Variants in STX11 observed in about 807,000 individuals in gnomAD.
The protein encoded by STX11 is syntaxin-11.
A neutral mutation model predicts 19.9 loss-of-function variants in STX11; 21 were observed. The ratio of observed to expected loss-of-function variants is 1.06; its 90% CI spans 0.75 to 1.52. STX11 has a LOEUF of 1.52. Ranked by LOEUF, STX11 falls within the 40% of genes most tolerant of loss-of-function variation. The pLI, the probability that STX11 is intolerant of heterozygous loss-of-function variation, is 0.00. For missense variants in STX11, 438 were observed against 405.9 expected, an observed-to-expected ratio of 1.08 and a Z score of -0.68; for synonymous variants, 193 against 174.4, an observed-to-expected ratio of 1.11 and a Z score of -0.84.
At position 144,177,386 on chromosome 6, in the gene STX11, A is replaced by G. The variant is rs1801802568; in HGVS notation, c.-5-9237A>G. Among the ~76,000 whole-genome samples the G allele has an allele frequency of 6.6e-6, 1 of 152,252 alleles. No individual in the cohort carries two copies. The highest frequency in any genetic ancestry group is 1.5e-5 in the Non-Finnish European group (1 of 68,050). ...AATACTAATAGAGATACAAGTGGAA[A>G]AATTTGCACAGATGACTTGAGCCTT... is the stretch of plus-strand genomic sequence containing the variant. On this transcript the variant is annotated intron_variant, in intron 1 of 1. Transcript: ENST00000367568. This position sits in a 1 kb window ranked among gnomAD's most constrained non-coding sequence, Gnocchi z 4.4.
In STX11 at chr6:144,155,975, T is replaced by G. The variant is rs1354261514; in HGVS notation, c.-6+5272T>G. Among the ~76,000 whole-genome samples, 1 of 131,782 alleles carries G rather than the reference T, an allele frequency of 7.6e-6. No homozygotes were observed. Among genetic ancestry groups the G allele is most frequent in the Non-Finnish European group, 1.5e-5 (1 of 66,608 alleles). The allele number at this position is 131,782 out of a possible 152,430, so 86.5% of individuals were successfully genotyped here. Reference sequence around the variant, plus strand: ...CTTTCTTTCTTTCTTTCTTTCTTTCTTTCTTTCTTTCTTTCTTTCTTTCTT... The same window carrying G: ...CTTTCTTTCTTTCTTTCTTTCTTTCGTTCTTTCTTTCTTTCTTTCTTTCTT... On this transcript the variant is annotated intron_variant, in intron 1 of 1. Transcript: ENST00000367568. The surrounding 1 kb of genome is among the most constrained non-coding windows in gnomAD (Gnocchi z 4.5).
At position 144,189,375 on chromosome 6, in the gene STX11, G is replaced by T. The variant is rs1352625258; in HGVS notation, c.*1884G>T. Reference sequence around the variant, plus strand: ...TGCCACATCTGGATGGAACTGAGTGGAGGGGGAAAAGAATGAAAAACTCAA... The same window carrying T: ...TGCCACATCTGGATGGAACTGAGTGTAGGGGGAAAAGAATGAAAAACTCAA... On this transcript the variant is annotated 3_prime_UTR_variant, in exon 2 of 2. Coordinates refer to ENST00000367568, the MANE Select transcript of STX11 (RefSeq NM_003764.4). Among the ~76,000 whole-genome samples, 1 of 152,198 alleles carries T rather than the reference G, an allele frequency of 6.6e-6. No individual in the cohort carries two copies. Among genetic ancestry groups the T allele is most frequent in the Admixed American group, 6.5e-5 (1 of 15,282 alleles).
At chr6:144,178,606 G>A (rs1461329962) in intron 1 of STX11, among the ~76,000 whole-genome samples, 1 of 152,214 alleles carries the variant, frequency 6.6e-6, no homozygotes, top group African/African-American at 2.4e-5. Flanking sequence ...TAAAGTGATT[G>A]AAAAGTAGAG....
At chr6:144,179,910 G>A (rs777563080) in intron 1 of STX11, among the ~76,000 whole-genome samples, 2 of 152,202 alleles carry the variant, frequency 1.3e-5, no homozygotes, top group Non-Finnish European at 2.9e-5. Flanking sequence ...GGTACTGTGC[G>A]TAAGTCCTGT....
chr6:144,185,596 C>G (rs1364096301), intron 1 of STX11, among the ~76,000 whole-genome samples: 1 of 152,162 alleles, frequency 6.6e-6, no homozygotes, highest in Non-Finnish European at 1.5e-5. Context: ...GAGCTGCCAA[C>G]TTGTTTCAAA....
rs1227032227 is a variant in STX11, at chr6:144,162,152, C to T, written c.-6+11449C>T. On this transcript the variant is annotated intron_variant, in intron 1 of 1. Transcript: ENST00000367568. This position sits in a 1 kb window ranked among gnomAD's most constrained non-coding sequence, Gnocchi z 4.6. ...AGGGTGGAACAGAGGATGGAGGGCC[C>T]TCCCACTTCTTTAAAAAGCTTCTGA... Among the ~76,000 whole-genome samples, 1 of 152,162 alleles carries T rather than the reference C, an allele frequency of 6.6e-6. No homozygotes were observed. The highest frequency in any genetic ancestry group is 1.9e-4 in the East Asian group (1 of 5,194).
chr6:144,141,398 C>T, the STX11 span, among the ~76,000 whole-genome samples: 1 of 152,146 alleles, frequency 6.6e-6, no homozygotes. Context: ...GAATTATAGG[C>T]AGGACCACAA....
In STX11 at chr6:144,175,948, C is replaced by T. The variant is rs925446002; in HGVS notation, c.-5-10675C>T. Among the ~76,000 whole-genome samples, 5 of 152,180 alleles carry T rather than the reference C, an allele frequency of 3.3e-5. No homozygotes were observed. The highest frequency in any genetic ancestry group is 7.3e-5 in the Non-Finnish European group (5 of 68,044). On this transcript the variant is annotated intron_variant, in intron 1 of 1. Coordinates refer to ENST00000367568, the MANE Select transcript of STX11 (RefSeq NM_003764.4). This position sits in a 1 kb window ranked among gnomAD's most constrained non-coding sequence, Gnocchi z 5.1. ...TTGAAGCCAGCATTAGCTGGATTTA[C>T]CCTCCCTGGCCACAGCTGATTTCAC...
rs1272340680 is a variant in STX11 at position 144,170,099 on chromosome 6, G to T, written c.-5-16524G>T. Among the ~76,000 whole-genome samples, 2 of 151,912 alleles carry T rather than the reference G, an allele frequency of 1.3e-5. No individual in the cohort carries two copies. Among genetic ancestry groups the T allele is most frequent in the African/African-American group, 4.8e-5 (2 of 41,258 alleles). On this transcript the variant is annotated intron_variant, in intron 1 of 1. Coordinates refer to ENST00000367568, the MANE Select transcript of STX11 (RefSeq NM_003764.4). The surrounding 1 kb of genome is among the most constrained non-coding windows in gnomAD (Gnocchi z 4.7). Reference sequence around the variant, plus strand: ...TTCCAACACCATATTTTTCTGTCTGGTTTCTCCAATAGCTTGATTTTCTTT... The same window carrying T: ...TTCCAACACCATATTTTTCTGTCTGTTTTCTCCAATAGCTTGATTTTCTTT...
At chr6:144,181,195 C>T (rs1222376842) in intron 1 of STX11, among the ~76,000 whole-genome samples, 1 of 152,226 alleles carries the variant, frequency 6.6e-6, no homozygotes, top group Middle Eastern at 3.4e-3. Flanking sequence ...GGAGAGAGGC[C>T]AGTAGCTACC....
rs1316337873 is a variant in STX11, at chr6:144,172,224, C to G, written c.-5-14399C>G. On this transcript the variant is annotated intron_variant, in intron 1 of 1. Coordinates refer to ENST00000367568, the MANE Select transcript of STX11 (RefSeq NM_003764.4). The surrounding 1 kb of genome is among the most constrained non-coding windows in gnomAD (Gnocchi z 4.2). Reference sequence around the variant, plus strand: ...GGTGCAAGGATTAAATGAGATAATCCATGTAAACCTTCCACAACAGTCTCT... The same window carrying G: ...GGTGCAAGGATTAAATGAGATAATCGATGTAAACCTTCCACAACAGTCTCT... Among the ~76,000 whole-genome samples, 2 of 152,086 alleles carry G rather than the reference C, an allele frequency of 1.3e-5. No homozygotes were observed. Among genetic ancestry groups the G allele is most frequent in the African/African-American group, 4.8e-5 (2 of 41,396 alleles).
In STX11 at chr6:144,162,702, C is replaced by G. The variant is rs1801374944; in HGVS notation, c.-6+11999C>G. Among the ~76,000 whole-genome samples the G allele has an allele frequency of 6.6e-6, 1 of 152,148 alleles. No homozygotes were observed. Among genetic ancestry groups the G allele is most frequent in the Non-Finnish European group, 1.5e-5 (1 of 68,020 alleles). ...GGATGGGAAAGGTTGAGGGACATCTCTGGTTGGAGGGCATCTCCAGAAGAA... is the reference window on the plus strand; with the variant it reads ...GGATGGGAAAGGTTGAGGGACATCTGTGGTTGGAGGGCATCTCCAGAAGAA... On this transcript the variant is annotated intron_variant, in intron 1 of 1. Transcript: ENST00000367568. The surrounding 1 kb of genome is among the most constrained non-coding windows in gnomAD (Gnocchi z 4.6).
In STX11 at chr6:144,155,575, A is replaced by T. The variant is rs568118570; in HGVS notation, c.-6+4872A>T. The stretch of plus-strand genomic sequence containing the variant: ...TGCCTATAATTCATTCAGTGCTCAG[A>T]TCACAAGAAAGGGAAGGGTTTTGGC... On this transcript the variant is annotated intron_variant, in intron 1 of 1. Transcript: ENST00000367568. The surrounding 1 kb of genome is among the most constrained non-coding windows in gnomAD (Gnocchi z 4.5). Among the ~76,000 whole-genome samples the T allele has an allele frequency of 2.6e-5, 4 of 152,290 alleles. No homozygotes were observed. The South Asian group carries it at 8.3e-4, about 32-fold the overall frequency.
chr6:144,147,417 C>T (rs1222912701), upstream of STX11, among the ~76,000 whole-genome samples: 1 of 152,092 alleles, frequency 6.6e-6, no homozygotes, highest in East Asian at 1.9e-4. This position sits in a 1 kb window ranked among gnomAD's most constrained non-coding sequence, Gnocchi z 4.2. Context: ...TTTAATTTGG[C>T]TCCTGAAACG....
At chr6:144,178,336 G>A (rs371333625) in intron 1 of STX11, among the ~76,000 whole-genome samples, 6 of 152,172 alleles carry the variant, frequency 3.9e-5, no homozygotes, top group East Asian at 3.8e-4. Flanking sequence ...GCTGAGTACC[G>A]CATTTGGCAT....
rs1256092256 is a variant in STX11, at chr6:144,155,996, TTC to T, written c.-6+5295_-6+5296del. On this transcript the variant is annotated intron_variant, in intron 1 of 1. Coordinates refer to ENST00000367568, the MANE Select transcript of STX11 (RefSeq NM_003764.4). This position sits in a 1 kb window ranked among gnomAD's most constrained non-coding sequence, Gnocchi z 4.5. The stretch of plus-strand genomic sequence containing the variant: ...TTTCTTTCTTTCTTTCTTTCTTTCT[TTC>T]TTTCTTTCTTTCTTTCTCTCTTTCT... Among the ~76,000 whole-genome samples, 13 of 124,464 alleles carry T rather than the reference TTC, an allele frequency of 1.0e-4. No homozygotes were observed. Among genetic ancestry groups the T allele is most frequent in the African/African-American group, 5.4e-4 (13 of 23,878 alleles). The allele number at this position is 124,464 out of a possible 152,430, so 81.7% of individuals were successfully genotyped here.
At position 144,190,625 on chromosome 6, in the gene STX11, A is replaced by G. The variant is rs1015420323; in HGVS notation, c.*3134A>G. ...GTCATAAAGATGTTTTCACTATGGC[A>G]TTTCTATCCCTGTGTATATCCAAAC... On this transcript the variant is annotated 3_prime_UTR_variant, in exon 2 of 2. Coordinates refer to ENST00000367568, the MANE Select transcript of STX11 (RefSeq NM_003764.4). 1.3e-5 allele frequency among the ~76,000 whole-genome samples: 2 copies of G among 151,796 alleles called. No individual in the cohort carries two copies. The highest frequency in any genetic ancestry group is 4.8e-5 in the African/African-American group (2 of 41,312).
rs180894607 is a variant in STX11 at position 144,154,123 on chromosome 6, A to T, written c.-6+3420A>T. On this transcript the variant is annotated intron_variant, in intron 1 of 1. Coordinates refer to ENST00000367568, the MANE Select transcript of STX11 (RefSeq NM_003764.4). The surrounding 1 kb of genome is among the most constrained non-coding windows in gnomAD (Gnocchi z 4.7). ...AGAAAGTGCAGTGTTAGTAACTGAC[A>T]GAGCCAGAAATGGATCCCAAGCACT... 4.5e-4 allele frequency among the ~76,000 whole-genome samples: 69 copies of T among 152,382 alleles called. No individual in the cohort carries two copies. Among genetic ancestry groups the T allele is most frequent in the African/African-American group, 1.6e-3 (68 of 41,596 alleles).
Position 144,191,637 on chromosome 6 carries a change from C to G in STX11, c.*4146C>G, listed in dbSNP as rs564603726. On this transcript the variant is annotated 3_prime_UTR_variant, in exon 2 of 2. Coordinates refer to ENST00000367568, the MANE Select transcript of STX11 (RefSeq NM_003764.4). ...TTTCTACTCCTTTCTTTGAAGTATG[C>G]GAAGTATCTCCAACTGCAGCATGCA... 6.6e-6 allele frequency among the ~76,000 whole-genome samples: 1 copy of G among 152,110 alleles called. No homozygotes were observed. Among genetic ancestry groups the G allele is most frequent in the African/African-American group, 2.4e-5 (1 of 41,486 alleles).
Sources: gnomAD v4.1 joint callset for allele counts (sites outside exome capture counted in the v4.1 genomes callset) on GRCh38, gnomAD v4.1.1 for gene constraint, Gnocchi (gnomAD v3.1) non-coding constraint, MANE v1.5 for transcripts, NCBI Gene and HGNC (gene_info 2026-07-23, HGNC 2026-07-21) for gene names.